The following CGNL1 variants were observed in gnomAD, a reference collection of about 807,000 sequenced individuals.
CGNL1 encodes the protein cingulin like 1, also known as cingulin-like protein 1.
CGNL1 carries 132 observed loss-of-function variants against 141.2 expected under a neutral mutation model. That is an observed-to-expected ratio of 0.93 (90% CI 0.81 to 1.08). The LOEUF (loss-of-function observed/expected upper bound fraction) is 1.08, where lower values mean the gene tolerates loss of function less well. Among genes scored for constraint, CGNL1 ranks in the 50% least tolerant of loss-of-function variants. CGNL1 has a pLI of 0.00. For synonymous variants in CGNL1, 690 were observed against 622.1 expected (o/e 1.11, Z -1.63); for missense variants, 1,870 against 1,588.6 (o/e 1.18, Z -3.01).
At position 57,516,763 on chromosome 15, in the gene CGNL1, C is replaced by CTTTGTGT; in HGVS notation, c.2404-13_2404-7dup. The CTTTGTGT allele has an allele frequency of 5.0e-6, 8 of 1,612,586 alleles. No homozygotes were observed. Among genetic ancestry groups the CTTTGTGT allele is most frequent in the Non-Finnish European group, 6.8e-6 (8 of 1,178,996 alleles). ...TGACATCAGTCTCCTTGTTCATTTG[C>CTTTGTGT]TTTGTGTTTTTAACAGAATGTCGAG... On this transcript the variant is annotated splice_polypyrimidine_tract_variant and intron_variant, in intron 8 of 18. Transcript: ENST00000281282.
Position 57,529,023 on chromosome 15 carries a change from G to C in CGNL1, c.3201+208G>C. On this transcript the variant is annotated intron_variant, in intron 13 of 18. Coordinates refer to ENST00000281282, the MANE Select transcript of CGNL1 (RefSeq NM_032866.5). Reference sequence around the variant, plus strand: ...GGACATCAGAGCTAGAAGGAATGATGGATATAAATTAGTCTAACATTCTCA... The same window carrying C: ...GGACATCAGAGCTAGAAGGAATGATCGATATAAATTAGTCTAACATTCTCA... 5.8e-6 allele frequency: 3 copies of C among 513,202 alleles called. No homozygotes were observed. The South Asian group carries it at 8.1e-5, about 14-fold the overall frequency. The allele number at this position is 513,202 out of a possible 1,614,324, so 31.8% of individuals were successfully genotyped here.
intron 1 of CGNL1, among the ~76,000 whole-genome samples, chr15:57,417,714 T>G (rs2152278156): frequency 6.6e-6 from 1 of 151,858 alleles, no homozygotes; most frequent in South Asian, 2.1e-4. Flanking sequence ...CCAGATATAC[T>G]GGGGGGAAAA....
At chr15:57,516,460 G>A (rs540573656) in intron 8 of CGNL1, among the ~76,000 whole-genome samples, 1 of 152,176 alleles carries the variant, frequency 6.6e-6, no homozygotes, top group Admixed American at 6.5e-5. Context: ...AAGAGCCAGA[G>A]AGTCAACATT....
rs1200064883 is a variant in CGNL1, at chr15:57,524,760, T to C, written c.3039+9T>C. ...TGAAAATGCAGGATGAGGTAATGCC[T>C]GGCCAGATAAGTTCTTCCTTTATCC... On this transcript the variant is annotated intron_variant, in intron 12 of 18. Transcript: ENST00000281282. The C allele has an allele frequency of 1.2e-6, 2 of 1,613,344 alleles. No individual in the cohort carries two copies. The highest frequency in any genetic ancestry group is 1.7e-6 in the Non-Finnish European group (2 of 1,179,610).
intron 1 of CGNL1, among the ~76,000 whole-genome samples, chr15:57,377,349 G>T (rs1450888735): frequency 6.6e-6 from 1 of 152,178 alleles, no homozygotes; most frequent in Non-Finnish European, 1.5e-5. Context: ...CCCACATCTG[G>T]AGAGTTTTAA....
At position 57,531,729 on chromosome 15, in the gene CGNL1, A is replaced by G; in HGVS notation, c.3241A>G (p.Arg1081Gly). The change falls in exon 14 of 19, where the codon AGA becomes GGA. Residue 1081 changes from arginine to glycine, a missense_variant. Coordinates refer to ENST00000281282, the MANE Select transcript of CGNL1 (RefSeq NM_032866.5). Reference sequence around the variant, plus strand: ...ACTGGAGATGGAACTGGAAGAAGAGAGAAACAACTCAGATTTGCTGTCTGA... The same window carrying G: ...ACTGGAGATGGAACTGGAAGAAGAGGGAAACAACTCAGATTTGCTGTCTGA... ...SQLEMELEEE[R>G]NNSDLLSERI... The G allele has an allele frequency of 6.2e-7, 1 of 1,613,350 alleles. No individual in the cohort carries two copies. Among genetic ancestry groups the G allele is most frequent in the South Asian group, 1.1e-5 (1 of 91,050 alleles).
In CGNL1 at chr15:57,528,815, G is replaced by A; in HGVS notation, c.3201G>A (p.Glu1067=). Residue 1067 remains glutamate (E), a splice_region_variant and synonymous_variant, in exon 13 of 19, where the codon GAG becomes GAA. Transcript: ENST00000281282. ...GCAGCAGGCTGGTCAAGCAGATGGA[G>A]GTCTGTGGGCCGTACAGTGTGAGCT... is the stretch of plus-strand genomic sequence containing the variant. The part of the protein sequence containing the change: ...DDRSRLVKQM[E]DKVSQLEMEL... 2 of 1,613,514 alleles carry A rather than the reference G, an allele frequency of 1.2e-6. No individual in the cohort carries two copies. Among genetic ancestry groups the A allele is most frequent in the Non-Finnish European group, 1.7e-6 (2 of 1,179,882 alleles).
intron 1 of CGNL1, among the ~76,000 whole-genome samples, chr15:57,435,415 G>T (rs1280388): frequency 0.27 from 9,360 of 34,378 alleles, 590 homozygotes; most frequent in Admixed American, 0.38. Flanking sequence ...AGGTTTTTTT[G>T]TTTTTTTTTT....
intron 7 of CGNL1, among the ~76,000 whole-genome samples, chr15:57,460,194 C>T (rs1456208181): frequency 6.6e-6 from 1 of 151,886 alleles, no homozygotes; most frequent in Non-Finnish European, 1.5e-5. Context: ...CTTAGAGAGA[C>T]AGGAAGGGAG....
At chr15:57,467,875 A>C (rs2063529418) in intron 8 of CGNL1, among the ~76,000 whole-genome samples, 1 of 151,984 alleles carries the variant, frequency 6.6e-6, no homozygotes, top group African/African-American at 2.4e-5. Context: ...TTTTTAGTAG[A>C]GATGGGGTTT....
At chr15:57,427,590 G>A (rs914723322) in intron 1 of CGNL1, among the ~76,000 whole-genome samples, 1 of 152,244 alleles carries the variant, frequency 6.6e-6, no homozygotes, top group African/African-American at 2.4e-5. Flanking sequence ...GGACAAAGAT[G>A]GCTAATTTTC....
At chr15:57,533,240 A>T (rs1328245772) in intron 14 of CGNL1, among the ~76,000 whole-genome samples, 1 of 152,156 alleles carries the variant, frequency 6.6e-6, no homozygotes, top group Non-Finnish European at 1.5e-5. Context: ...GCTATGATTT[A>T]TCTGGAGCTG....
intron 1 of CGNL1, among the ~76,000 whole-genome samples, chr15:57,418,291 A>G (rs1371227949): frequency 6.6e-6 from 1 of 152,190 alleles, no homozygotes; most frequent in Non-Finnish European, 1.5e-5. Context: ...AAACAAGCGT[A>G]ATGAATATCT....
chr15:57,438,161 T>C lies in CGNL1; in HGVS notation c.162T>C (p.Tyr54=), dbSNP rs929968334. The C allele has an allele frequency of 1.2e-6, 2 of 1,614,148 alleles. No homozygotes were observed. The highest frequency in any genetic ancestry group is 1.7e-6 in the Non-Finnish European group (2 of 1,180,012). Residue 54 remains tyrosine, a synonymous_variant, in exon 2 of 19, where the codon TAT becomes TAC. Coordinates refer to ENST00000281282, the MANE Select transcript of CGNL1 (RefSeq NM_032866.5). The part of the protein sequence containing the change: ...IRVQGIDGHP[Y]IVLNNTERCL... ...TCCAGGGAATTGATGGTCACCCCTA[T>C]ATTGTCCTGAATAACACAGAACGGT...
intron 8 of CGNL1, among the ~76,000 whole-genome samples, chr15:57,474,806 A>T (rs2152350609): frequency 6.6e-6 from 1 of 152,352 alleles, no homozygotes; most frequent in Non-Finnish European, 1.5e-5. Context: ...AGGGGGATGG[A>T]GTAAGAGGAA....
At chr15:57,501,059 C>G (rs997243850) in intron 8 of CGNL1, among the ~76,000 whole-genome samples, 1 of 152,122 alleles carries the variant, frequency 6.6e-6, no homozygotes, top group Non-Finnish European at 1.5e-5. Context: ...TATTAAATAC[C>G]TAGACACATA....
intron 1 of CGNL1, among the ~76,000 whole-genome samples, chr15:57,419,701 G>A (rs562611469): frequency 2.0e-5 from 3 of 152,190 alleles, no homozygotes; most frequent in African/African-American, 4.8e-5. Flanking sequence ...ATATCAACAT[G>A]ATTTATCACT....
intron 8 of CGNL1, among the ~76,000 whole-genome samples, chr15:57,472,020 T>C (rs11638054): frequency 0.21 from 31,783 of 151,838 alleles, 3,725 homozygotes; most frequent in Middle Eastern, 0.27. Context: ...GGAAGATCAC[T>C]TGCGCCCAGG....
At position 57,524,513 on chromosome 15, in the gene CGNL1, G is replaced by A. The variant is rs1409552223; in HGVS notation, c.2869-68G>A. 9 of 1,430,456 alleles carry A rather than the reference G, an allele frequency of 6.3e-6. No individual in the cohort carries two copies. The African/African-American group carries it at 1.1e-4, about 18-fold the overall frequency. 88.6% of individuals were successfully genotyped at this position (1,430,456 alleles called of 1,614,324 possible). A position where few individuals can be genotyped will look rare whatever the true frequency, so the allele number is the denominator to read the frequency against. ...GAGAAGAGGAGATGTGCTGTGTGTT[G>A]AAATGGGACCCAGACCCTGGTCTCA... On this transcript the variant is annotated intron_variant, in intron 11 of 18. Transcript: ENST00000281282.
Sources: gnomAD v4.1 joint callset for allele counts (sites outside exome capture counted in the v4.1 genomes callset) on GRCh38, gnomAD v4.1.1 for gene constraint, MANE v1.5 for transcripts, NCBI Gene and HGNC (gene_info 2026-07-23, HGNC 2026-07-21) for gene names.